The following FIRRM variants were observed in gnomAD, a reference collection of about 807,000 sequenced individuals.
FIRRM encodes FIGNL1 interacting regulator of recombination and mitosis.
chr1:169,788,079 T>C, the FIRRM span, among the ~76,000 whole-genome samples: 1 of 152,232 alleles, frequency 6.6e-6, no homozygotes, highest in Non-Finnish European at 1.5e-5. Flanking sequence ...TCTTTATCTT[T>C]GTACTGTGAA....
chr1:169,788,233 T>C, the FIRRM span, among the ~76,000 whole-genome samples: 1 of 152,156 alleles, frequency 6.6e-6, no homozygotes, highest in African/African-American at 2.4e-5. Flanking sequence ...TATACGCAGA[T>C]TTTCTTCCAC....
the FIRRM span, among the ~76,000 whole-genome samples, chr1:169,812,000 A>T: frequency 6.6e-6 from 1 of 152,212 alleles, no homozygotes; most frequent in Non-Finnish European, 1.5e-5. Context: ...CCTTGCTTAT[A>T]TTACCCACAC....
the FIRRM span, chr1:169,823,442 C>T: frequency 7.2e-5 from 115 of 1,602,706 alleles, 4 homozygotes; most frequent in Admixed American, 1.7e-3. Context: ...TCTTGCTGTA[C>T]TTTGCACCAA....
chr1:169,821,619 T>C, the FIRRM span: 2 of 1,243,422 alleles, frequency 1.6e-6, no homozygotes, highest in South Asian at 1.4e-5. Flanking sequence ...TTTGTAAGCT[T>C]AGCTAATTTT....
the FIRRM span, among the ~76,000 whole-genome samples, chr1:169,842,846 G>T: frequency 6.6e-6 from 1 of 152,110 alleles, no homozygotes; most frequent in Non-Finnish European, 1.5e-5. Context: ...TTAGGTTAAT[G>T]TATCCTATTT....
chr1:169,849,192 A>G, the FIRRM span, among the ~76,000 whole-genome samples: 9 of 152,228 alleles, frequency 5.9e-5, no homozygotes, highest in Admixed American at 5.9e-4. Context: ...ACATGCAAGT[A>G]AAAACCTGAA....
At chr1:169,822,827 C>T in the FIRRM span, among the ~76,000 whole-genome samples, 2 of 152,240 alleles carry the variant, frequency 1.3e-5, no homozygotes, top group South Asian at 4.1e-4. Flanking sequence ...ACAGTTATCG[C>T]TACTGTTCTG....
chr1:169,840,347 A>G, the FIRRM span, among the ~76,000 whole-genome samples: 5 of 152,180 alleles, frequency 3.3e-5, no homozygotes, highest in Non-Finnish European at 5.9e-5. Context: ...GACTCTTCCA[A>G]TCTATGAGCA....
At chr1:169,793,082 G>T in the FIRRM span, 1 of 1,613,980 alleles carries the variant, frequency 6.2e-7, no homozygotes, top group Non-Finnish European at 8.5e-7. Flanking sequence ...TCCCTTGAAT[G>T]CAGTTATACC....
chr1:169,832,961 G>A, the FIRRM span, among the ~76,000 whole-genome samples: 1 of 152,002 alleles, frequency 6.6e-6, no homozygotes, highest in Non-Finnish European at 1.5e-5. Context: ...AATTTTTGAC[G>A]TTGATTGCTG....
the FIRRM span, among the ~76,000 whole-genome samples, chr1:169,796,321 C>T: frequency 3.7e-3 from 567 of 152,372 alleles, 1 homozygote; most frequent in African/African-American, 0.013. Context: ...TTTGGGAGAA[C>T]AGAGACACGG....
At chr1:169,850,373 A>C in the FIRRM span, 1 of 1,468,596 alleles carries the variant, frequency 6.8e-7, no homozygotes, top group Non-Finnish European at 9.4e-7. Flanking sequence ...CTCATGTTTT[A>C]TTCTTTGTCC....
chr1:169,796,952 C>T, the FIRRM span, among the ~76,000 whole-genome samples: 2 of 152,192 alleles, frequency 1.3e-5, no homozygotes, highest in African/African-American at 4.8e-5. Flanking sequence ...TTCCCCCAAA[C>T]GCAGTCTTAC....
the FIRRM span, chr1:169,795,474 TTTC>T: frequency 1.7e-5 from 21 of 1,263,500 alleles, no homozygotes; most frequent in Non-Finnish European, 2.0e-5. Context: ...GATGTGGCGT[TTTC>T]TTCCATTCCT....
At chr1:169,793,753 T>G in the FIRRM span, 1 of 1,469,916 alleles carries the variant, frequency 6.8e-7, no homozygotes, top group Non-Finnish European at 9.1e-7. Context: ...TGGATAGAAT[T>G]TGATGATACA....
the FIRRM span, chr1:169,805,866 C>T: frequency 1.6e-6 from 1 of 626,794 alleles, no homozygotes; most frequent in East Asian, 3.0e-5. Flanking sequence ...ATTCTTTTGA[C>T]ACAACTGTTT....
chr1:169,828,110 A>G, the FIRRM span, among the ~76,000 whole-genome samples: 1 of 152,198 alleles, frequency 6.6e-6, no homozygotes. Flanking sequence ...ATTGTAATAG[A>G]GTAGCTATAA....
the FIRRM span, among the ~76,000 whole-genome samples, chr1:169,834,862 C>A: frequency 6.6e-6 from 1 of 151,968 alleles, no homozygotes; most frequent in African/African-American, 2.4e-5. Context: ...TATAAAGATA[C>A]TCATATTAAA....
chr1:169,819,604 C>T, the FIRRM span, among the ~76,000 whole-genome samples: 2 of 152,126 alleles, frequency 1.3e-5, no homozygotes, highest in East Asian at 1.9e-4. Flanking sequence ...CTCTGTTTTC[C>T]GATGGAGTCC....
Sources: allele counts gnomAD v4.1 joint callset (sites outside exome capture counted in the v4.1 genomes callset), GRCh38; gene constraint gnomAD v4.1.1; transcripts MANE v1.5; gene names NCBI Gene and HGNC (gene_info 2026-07-23, HGNC 2026-07-21).